The following IDUA variants were observed in gnomAD, a reference collection of about 807,000 sequenced individuals.
IDUA encodes iduronidase alpha-L-.
In IDUA, 65 loss-of-function variants were observed where a neutral mutation model predicts 68.9. The observed-to-expected ratio is 0.94, with a 90% CI of 0.77 to 1.16. IDUA has a LOEUF of 1.16. IDUA is among the 50% of genes most tolerant of loss of function. The probability of loss-of-function intolerance (pLI) is 0.00; values close to 1 mark genes in which losing one functional copy is unlikely to be tolerated. For missense variants in IDUA, 1,046 were observed against 938.0 expected (o/e 1.12, Z -1.50); for synonymous variants, 529 against 433.6 (o/e 1.22, Z -2.73).
intron 2 of IDUA, chr4:988,722 G>C: frequency 1.4e-6 from 2 of 1,424,956 alleles, no homozygotes; most frequent in South Asian, 3.0e-5. Flanking sequence ...TGTGGCACAA[G>C]AGTGCAGCTC....
rs986429313 is a variant in IDUA, at chr4:1,001,622, A to T, written c.590-57A>T. On this transcript the variant is annotated intron_variant, in intron 5 of 13. Transcript: ENST00000514224. ...AAAGGGGGCAGAGGAAGGCAGGAGC[A>T]GAGGCTAAGCCGCTCATCCCCAGGG... is the stretch of plus-strand genomic sequence containing the variant. The T allele has an allele frequency of 4.0e-5, 65 of 1,608,678 alleles. 1 individual carries two copies. In the South Asian group the frequency reaches 7.1e-4, roughly 18 times the overall value.
rs1713843012 is a variant in IDUA, at chr4:987,674, C to A, written c.159-135C>A. The A allele has an allele frequency of 1.7e-5, 25 of 1,493,604 alleles. 1 individual carries two copies. The South Asian group carries it at 3.0e-4, about 18-fold the overall frequency. The allele number at this position is 1,493,604 out of a possible 1,614,324, so 92.5% of individuals were successfully genotyped here. On this transcript the variant is annotated intron_variant, in intron 1 of 13. Coordinates refer to ENST00000514224, the MANE Select transcript of IDUA (RefSeq NM_000203.5). The stretch of plus-strand genomic sequence containing the variant: ...TCCCCACATTCCTGGCCCTAAGGGT[C>A]ATTTTATTAGTCACTGAACGCACGG...
chr4:1,002,978 G>A (rs1715199224), intron 9 of IDUA, 34 bp downstream of exon 9: 19 of 1,390,802 alleles, frequency 1.4e-5, no homozygotes, highest in Non-Finnish European at 1.7e-5. Flanking sequence ...CTCTGGCCCC[G>A]CTGGGGCTCT....
rs148200047 is a variant in IDUA at position 989,154 on chromosome 4, C to T, written c.299+1205C>T. The T allele has an allele frequency of 4.9e-5, 78 of 1,607,656 alleles. No homozygotes were observed. The Admixed American group carries it at 5.2e-4, about 11-fold the overall frequency. On this transcript the variant is annotated intron_variant, in intron 2 of 13. Transcript: ENST00000514224. ...GCACCAGCGCAGCCCTGGTGCTAAC[C>T]GGGCCCAGGTCCTCGCCCTGGGCAG...
rs1303033654 is a variant in IDUA, at chr4:1,001,452, C to G, written c.494-16C>G. The G allele has an allele frequency of 6.2e-7, 1 of 1,609,556 alleles. No individual in the cohort carries two copies. The highest frequency in any genetic ancestry group is 1.3e-5 in the African/African-American group (1 of 74,838). ...AGATTCACCTGTGCTGGGGGGACAG[C>G]AAGGCTCCTCTGCAGGTAGGTACGG... is the stretch of plus-strand genomic sequence containing the variant. On this transcript the variant is annotated splice_polypyrimidine_tract_variant and intron_variant, in intron 4 of 13. Coordinates refer to ENST00000514224, the MANE Select transcript of IDUA (RefSeq NM_000203.5).
At chr4:1,003,204 CGGGGG>C in intron 10 of IDUA, 47 bp downstream of exon 10, 1 of 444,042 alleles carries the variant, frequency 2.3e-6, no homozygotes, top group South Asian at 4.8e-5. Flanking sequence ...GCCGGGGTCC[CGGGGG>C]GGTGGGGTCC....
intron 2 of IDUA, chr4:990,604 G>A: frequency 3.5e-6 from 2 of 573,384 alleles, no homozygotes; most frequent in Non-Finnish European, 6.2e-6. Context: ...GCTGGCCATA[G>A]ACACGTCTAA....
rs1054132366 is a variant in IDUA at position 989,448 on chromosome 4, C to T, written c.299+1499C>T. The T allele has an allele frequency of 1.5e-5, 23 of 1,553,704 alleles. No homozygotes were observed. The highest frequency in any genetic ancestry group is 9.5e-5 in the South Asian group (8 of 84,494). On this transcript the variant is annotated intron_variant, in intron 2 of 13. Transcript: ENST00000514224. ...GGGTGCGGCCGGCCAGGCTGAGCAGCGAGAGGATGACGCCAGCCAGCAGCC... is the reference window on the plus strand; with the variant it reads ...GGGTGCGGCCGGCCAGGCTGAGCAGTGAGAGGATGACGCCAGCCAGCAGCC...
chr4:988,421 C>T (rs1713922020), intron 2 of IDUA: 24 of 1,059,700 alleles, frequency 2.3e-5, no homozygotes, highest in Non-Finnish European at 2.7e-5. Context: ...GCCAGAGCCG[C>T]TGGCTCCTAC....
Position 1,001,695 on chromosome 4 carries a change from C to A in IDUA, c.606C>A (p.Tyr202Ter), listed in dbSNP as rs1033313360. 4.4e-6 allele frequency: 7 copies of A among 1,600,736 alleles called. No individual in the cohort carries two copies. Among genetic ancestry groups the A allele is most frequent in the Non-Finnish European group, 5.1e-6 (6 of 1,179,008 alleles). ...CCGGCCCAGGCTTCCTGAACTACTA[C>A]GATGCCTGCTCGGAGGGTCTGCGCG... The part of the protein sequence containing the change: ...SMTMQGFLNY[Y>*]DACSEGLRAA... Residue 202 changes from tyrosine (Y) to a stop codon, truncating the protein, a stop_gained, in exon 6 of 14, where the codon TAC (tyrosine) becomes TAA (stop). Transcript: ENST00000514224. LOFTEE classifies it high-confidence loss of function.
chr4:999,118 T>C (rs1714924998), intron 2 of IDUA, among the ~76,000 whole-genome samples: 2 of 150,034 alleles, frequency 1.3e-5, no homozygotes, highest in Middle Eastern at 6.9e-3. Flanking sequence ...GGCAGGAGAA[T>C]GGTGTGAACC....
intron 2 of IDUA, among the ~76,000 whole-genome samples, chr4:996,400 G>T (rs1241770460): frequency 6.6e-6 from 1 of 152,188 alleles, no homozygotes; most frequent in Non-Finnish European, 1.5e-5. Context: ...GCAGGGGTGG[G>T]GCACCTGGTG....
At position 991,498 on chromosome 4, in the gene IDUA, A is replaced by G. The variant is rs201305899; in HGVS notation, c.299+3549A>G. On this transcript the variant is annotated intron_variant, in intron 2 of 13. Transcript: ENST00000514224. Reference sequence around the variant, plus strand: ...CAGCCCAGACATGACGTCGCCTGCCAGGTACTCCCGCGGGCGGTACTGACG... The same window carrying G: ...CAGCCCAGACATGACGTCGCCTGCCGGGTACTCCCGCGGGCGGTACTGACG... The G allele has an allele frequency of 2.5e-5, 41 of 1,610,182 alleles. No individual in the cohort carries two copies. The highest frequency in any genetic ancestry group is 3.4e-5 in the Non-Finnish European group (40 of 1,178,018).
chr4:1,004,386 A>G lies in IDUA; in HGVS notation c.1955A>G (p.Asn652Ser), dbSNP rs372305229. 19 of 1,610,484 alleles carry G rather than the reference A, an allele frequency of 1.2e-5. No individual in the cohort carries two copies. The African/African-American group carries it at 1.9e-4, about 16-fold the overall frequency. The change falls in exon 14 of 14, where the codon AAT becomes AGT. Residue 652 changes from asparagine (N) to serine (S), a missense_variant. Transcript: ENST00000514224. The surrounding 1 kb of genome is among the most constrained non-coding windows in gnomAD (Gnocchi z 5.0). ...PVPRGPPSPG[N>S]P is the part of the protein sequence containing the mutation. ...CCAAGAGGGCCCCCATCCCCGGGCA[A>G]TCCATGAGCCTGTGCTGAGCCCCAG...
intron 2 of IDUA, among the ~76,000 whole-genome samples, chr4:994,272 C>G (rs994620084): frequency 2.0e-5 from 3 of 150,986 alleles, no homozygotes; most frequent in Non-Finnish European, 4.4e-5. Context: ...AGACGCCCCC[C>G]ACCTTTTCTT....
chr4:989,239 C>T (rs765881732), intron 2 of IDUA: 2 of 1,612,510 alleles, frequency 1.2e-6, no homozygotes, highest in South Asian at 1.1e-5. Flanking sequence ...AGCCATGCAC[C>T]CTGCGTCCAG....
chr4:991,385 A>G (rs1714307067), intron 2 of IDUA: 2 of 1,612,834 alleles, frequency 1.2e-6, no homozygotes, highest in Non-Finnish European at 1.7e-6. Context: ...AGGTTGGCGA[A>G]GAAGGACGTA....
At chr4:997,529 G>A (rs1714812727) in intron 2 of IDUA, among the ~76,000 whole-genome samples, 1 of 150,898 alleles carries the variant, frequency 6.6e-6, no homozygotes, top group Admixed American at 6.6e-5. Context: ...CCGCTCAGCC[G>A]CGGCCGCGCG....
rs576945704 is a variant in IDUA, at chr4:1,002,595, G to A, written c.1189+110G>A. On this transcript the variant is annotated intron_variant, in intron 8 of 13. Transcript: ENST00000514224. Reference sequence around the variant, plus strand: ...ACTTCCTCCAGCCGCGCGCTTCCCGGGGTCGGCCTCCGCGTGGCGGGGCCT... The same window carrying A: ...ACTTCCTCCAGCCGCGCGCTTCCCGAGGTCGGCCTCCGCGTGGCGGGGCCT... 56 of 1,219,330 alleles carry A rather than the reference G, an allele frequency of 4.6e-5. No homozygotes were observed. The South Asian group carries it at 6.0e-4, about 13-fold the overall frequency. The allele number at this position is 1,219,330 out of a possible 1,614,324, so 75.5% of individuals were successfully genotyped here. A position where few individuals can be genotyped will look rare whatever the true frequency, so the allele number is the denominator to read the frequency against.
Sources: allele counts gnomAD v4.1 joint callset (sites outside exome capture counted in the v4.1 genomes callset), GRCh38; gene constraint gnomAD v4.1.1; non-coding constraint Gnocchi (gnomAD v3.1); transcripts MANE v1.5; gene names NCBI Gene and HGNC (gene_info 2026-07-23, HGNC 2026-07-21).